SRSF10: variants seen among roughly 807,000 people sequenced by gnomAD.
SRSF10 encodes serine/arginine-rich splicing factor 10.
A neutral mutation model predicts 32.6 loss-of-function variants in SRSF10; 9 were observed. That is an observed-to-expected ratio of 0.28 (90% confidence interval 0.17 to 0.48). The LOEUF is 0.48. SRSF10 is among the 20% of genes least tolerant of loss of function. The pLI is 0.99. For missense variants in SRSF10, 201 were observed against 331.8 expected (o/e 0.61, Z 3.06); for synonymous variants, 105 against 112.4 (o/e 0.93, Z 0.42).
chr1:23,967,779 A>G lies in SRSF10; in HGVS notation c.*3363T>C. The G allele has an allele frequency of 6.2e-7, 1 of 1,602,368 alleles. No homozygotes were observed. The highest frequency in any genetic ancestry group is 8.5e-7 in the Non-Finnish European group (1 of 1,173,854). On this transcript the variant is annotated 3_prime_UTR_variant, in exon 6 of 6. Coordinates refer to ENST00000492112, the MANE Select transcript of SRSF10 (RefSeq NM_054016.4). ...GGTTTCCTTTATTCTTCTCTGTGGT[A>G]TACAGGATTTTGTTAGTTGAACTGG...
rs1641571410 is a variant in SRSF10, at chr1:23,968,541, A to G, written c.*2601T>C. 1.3e-5 allele frequency among the ~76,000 whole-genome samples: 2 copies of G among 152,176 alleles called. No individual in the cohort carries two copies. The highest frequency in any genetic ancestry group is 4.1e-4 in the South Asian group (2 of 4,830). On this transcript the variant is annotated 3_prime_UTR_variant, in exon 6 of 6. Coordinates refer to ENST00000492112, the MANE Select transcript of SRSF10 (RefSeq NM_054016.4). ...GGTTTTGTGAAGAGTGAGTTAACAC[A>G]TAGCCTTTTCAAGTGTCTGGCACAT...
chr1:23,974,911 A>T (rs922473415), intron 3 of SRSF10, 63 bp downstream of exon 3: 4 of 1,154,874 alleles, frequency 3.5e-6, no homozygotes, highest in Non-Finnish European at 3.8e-6. Context: ...TTAAATTCTT[A>T]AAAAAAAATC....
At chr1:23,977,706 A>G (rs1325272497) in intron 2 of SRSF10, 1 of 222,318 alleles carries the variant, frequency 4.5e-6, no homozygotes, top group East Asian at 1.8e-4. Context: ...AATATGCTGA[A>G]TTTAATCTTA....
At chr1:23,979,884 G>A (rs1642347912) in intron 1 of SRSF10, among the ~76,000 whole-genome samples, 1 of 152,082 alleles carries the variant, frequency 6.6e-6, no homozygotes, top group African/African-American at 2.4e-5. Context: ...CGGCCGTCGG[G>A]TCGCGGAAAG....
At chr1:23,975,946 T>TAA (rs994974899) in intron 2 of SRSF10, 1 of 152,238 alleles carries the variant, frequency 6.6e-6, no homozygotes, top group African/African-American at 2.4e-5. Flanking sequence ...GAAGCTAAGC[T>TAA]GCTTGTCCTC....
At position 23,970,216 on chromosome 1, in the gene SRSF10, A is replaced by C; in HGVS notation, c.*926T>G. The C allele has an allele frequency of 1.0e-6, 1 of 985,414 alleles. No individual in the cohort carries two copies. The highest frequency in any genetic ancestry group is 1.2e-6 in the Non-Finnish European group (1 of 829,932). The allele number at this position is 985,414 out of a possible 1,614,324, so 61.0% of individuals were successfully genotyped here. Reference sequence around the variant, plus strand: ...TGTGTTTTCTATGTTCCAAATCTTCATAGGAACCAGAAAAAAAGCAGTGAA... The same window carrying C: ...TGTGTTTTCTATGTTCCAAATCTTCCTAGGAACCAGAAAAAAAGCAGTGAA... On this transcript the variant is annotated 3_prime_UTR_variant, in exon 6 of 6. Transcript: ENST00000492112.
chr1:23,979,009 G>T, intron 1 of SRSF10, 192 bp from the exon 2 acceptor site: 2 of 196,896 alleles, frequency 1.0e-5, no homozygotes, highest in Non-Finnish European at 2.0e-5. Flanking sequence ...ATCTACAGCC[G>T]TCATTTTTCA....
rs1167568054 is a variant in SRSF10, at chr1:23,970,687, G to A, written c.*455C>T. 8 of 987,678 alleles carry A rather than the reference G, an allele frequency of 8.1e-6. No homozygotes were observed. The highest frequency in any genetic ancestry group is 1.1e-4 in the East Asian group (1 of 8,866). The allele number at this position is 987,678 out of a possible 1,614,324, so 61.2% of individuals were successfully genotyped here. On this transcript the variant is annotated 3_prime_UTR_variant, in exon 6 of 6. Transcript: ENST00000492112. ...CCTAGACATCTTGACAAGACATAAA[G>A]GTCCACCCTGAACCTAAATGTGTCT...
At position 23,967,872 on chromosome 1, in the gene SRSF10, A is replaced by C. The variant is rs9424411; in HGVS notation, c.*3270T>G. The C allele has an allele frequency of 6.5e-7, 1 of 1,547,714 alleles. No individual in the cohort carries two copies. Among genetic ancestry groups the C allele is most frequent in the Non-Finnish European group, 8.7e-7 (1 of 1,145,840 alleles). ...ATAGTTCCCAGGTCTTTCCCCTGGG[A>C]TGTAACTTAACAGCTCATACTCTAT... On this transcript the variant is annotated 3_prime_UTR_variant, in exon 6 of 6. Coordinates refer to ENST00000492112, the MANE Select transcript of SRSF10 (RefSeq NM_054016.4).
In SRSF10 at chr1:23,969,029, T is replaced by G; in HGVS notation, c.*2113A>C. ...CTAAATCTATAAAGGACTGTTTCCA[T>G]TGTTATTTTAGAATCATATTCAATA... On this transcript the variant is annotated 3_prime_UTR_variant, in exon 6 of 6. Coordinates refer to ENST00000492112, the MANE Select transcript of SRSF10 (RefSeq NM_054016.4). 1 of 778,576 alleles carries G rather than the reference T, an allele frequency of 1.3e-6. No individual in the cohort carries two copies. Among genetic ancestry groups the G allele is most frequent in the Non-Finnish European group, 1.6e-6 (1 of 640,860 alleles). The allele number at this position is 778,576 out of a possible 1,614,324, so 48.2% of individuals were successfully genotyped here.
At position 23,967,656 on chromosome 1, in the gene SRSF10, T is replaced by C. The variant is rs1641516839; in HGVS notation, c.*3486A>G. 6.4e-7 allele frequency: 1 copy of C among 1,559,096 alleles called. No individual in the cohort carries two copies. Among genetic ancestry groups the C allele is most frequent in the East Asian group, 2.2e-5 (1 of 44,554 alleles). ...TGAACTGCCCTTCTTTGGTTCTTTT[T>C]CCGCTTTCAGATCTTTCTTGAAGTG... On this transcript the variant is annotated 3_prime_UTR_variant, in exon 6 of 6. Coordinates refer to ENST00000492112, the MANE Select transcript of SRSF10 (RefSeq NM_054016.4).
chr1:23,969,573 A>T lies in SRSF10; in HGVS notation c.*1569T>A. 4 of 985,166 alleles carry T rather than the reference A, an allele frequency of 4.1e-6. No homozygotes were observed. The highest frequency in any genetic ancestry group is 4.8e-6 in the Non-Finnish European group (4 of 829,664). The allele number at this position is 985,166 out of a possible 1,614,324, so 61.0% of individuals were successfully genotyped here. A position where few individuals can be genotyped will look rare whatever the true frequency, so the allele number is the denominator to read the frequency against. ...CCGAAATTGAAAAAAGTAATCCTCT[A>T]AAAGGAATCGTTTGTCCATAATTCG... On this transcript the variant is annotated 3_prime_UTR_variant, in exon 6 of 6. Transcript: ENST00000492112.
Position 23,969,310 on chromosome 1 carries a change from AAT to A in SRSF10, c.*1830_*1831del, listed in dbSNP as rs1641609879. 1.0e-6 allele frequency: 1 copy of A among 985,198 alleles called. No individual in the cohort carries two copies. The highest frequency in any genetic ancestry group is 1.7e-5 in the African/African-American group (1 of 57,228). 61.0% of individuals were successfully genotyped at this position (985,198 alleles called of 1,614,324 possible). A position where few individuals can be genotyped will look rare whatever the true frequency, so the allele number is the denominator to read the frequency against. On this transcript the variant is annotated 3_prime_UTR_variant, in exon 6 of 6. Coordinates refer to ENST00000492112, the MANE Select transcript of SRSF10 (RefSeq NM_054016.4). Reference sequence around the variant, plus strand: ...ACTGTAAACTACTGCTACAGTTTTAAATAGACTTTTTGTTGTTTAAACTATAC... The same window carrying A: ...ACTGTAAACTACTGCTACAGTTTTAAAGACTTTTTGTTGTTTAAACTATAC...
intron 4 of SRSF10, 106 bp downstream of exon 4, chr1:23,971,744 G>T: frequency 6.7e-7 from 1 of 1,491,066 alleles, no homozygotes; most frequent in Non-Finnish European, 9.1e-7. Flanking sequence ...TTGTCTCAAT[G>T]AAACATTCAA....
In SRSF10 at chr1:23,964,617, A is replaced by G. The variant is rs1250517790; in HGVS notation, c.*6525T>C. Among the ~76,000 whole-genome samples, 1 of 152,036 alleles carries G rather than the reference A, an allele frequency of 6.6e-6. No homozygotes were observed. Among genetic ancestry groups the G allele is most frequent in the Non-Finnish European group, 1.5e-5 (1 of 67,896 alleles). ...ATAAACTATCCTCTTCCCTAGAACTACAACACAGGAAAAAACCTGAAAGGT... is the reference window on the plus strand; with the variant it reads ...ATAAACTATCCTCTTCCCTAGAACTGCAACACAGGAAAAAACCTGAAAGGT... On this transcript the variant is annotated 3_prime_UTR_variant, in exon 6 of 6. Coordinates refer to ENST00000492112, the MANE Select transcript of SRSF10 (RefSeq NM_054016.4).
rs1641416354 is a variant in SRSF10, at chr1:23,965,656, A to C, written c.*5486T>G. 1 of 151,980 alleles carries C rather than the reference A, an allele frequency of 6.6e-6. No homozygotes were observed. Among genetic ancestry groups the C allele is most frequent in the South Asian group, 2.1e-4 (1 of 4,834 alleles). 9.4% of individuals were successfully genotyped at this position (151,980 alleles called of 1,614,324 possible). A position where few individuals can be genotyped will look rare whatever the true frequency, so the allele number is the denominator to read the frequency against. ...ATTGACAGCATTCAGTATAGAGAGA[A>C]ACAACCACAGAAGAGATCCTAAAGC... On this transcript the variant is annotated 3_prime_UTR_variant, in exon 6 of 6. Transcript: ENST00000492112.
chr1:23,971,054 T>C lies in SRSF10; in HGVS notation c.*88A>G, dbSNP rs1256518476. ...ACTAACAAGTGTTTTTTAAGCATCA[T>C]TGCAACATTGTATTCCTGATAATTT... is the stretch of plus-strand genomic sequence containing the variant. On this transcript the variant is annotated 3_prime_UTR_variant, in exon 6 of 6. Transcript: ENST00000492112. The C allele has an allele frequency of 7.9e-6, 12 of 1,513,242 alleles. No individual in the cohort carries two copies. The highest frequency in any genetic ancestry group is 1.8e-4 in the Middle Eastern group (1 of 5,600). 93.7% of individuals were successfully genotyped at this position (1,513,242 alleles called of 1,614,324 possible).
intron 1 of SRSF10, among the ~76,000 whole-genome samples, chr1:23,979,267 A>G (rs998706768): frequency 6.6e-6 from 1 of 151,916 alleles, no homozygotes; most frequent in Non-Finnish European, 1.5e-5. Context: ...ATGCTAACGT[A>G]ACTATTAGAA....
Position 23,971,178 on chromosome 1 carries a change from T to G in SRSF10, c.753A>C (p.Ser251=). 6.2e-7 allele frequency: 1 copy of G among 1,613,710 alleles called. No homozygotes were observed. Among genetic ancestry groups the G allele is most frequent in the Non-Finnish European group, 8.5e-7 (1 of 1,179,904 alleles). ...SQSRSRSKSR[S]RSWTSPKSSG... ...TGGACTTAGGACTAGTCCAAGACCTTGATCTAGATTTTGACCTAGACCTAG... is the reference window on the plus strand; with the variant it reads ...TGGACTTAGGACTAGTCCAAGACCTGGATCTAGATTTTGACCTAGACCTAG... The change falls in exon 6 of 6, where the codon TCA becomes TCC. Residue 251 remains serine (S), a synonymous_variant. Coordinates refer to ENST00000492112, the MANE Select transcript of SRSF10 (RefSeq NM_054016.4).
Sources: allele counts gnomAD v4.1 joint callset (sites outside exome capture counted in the v4.1 genomes callset), GRCh38; gene constraint gnomAD v4.1.1; transcripts MANE v1.5; gene names NCBI Gene and HGNC (gene_info 2026-07-23, HGNC 2026-07-21).